CDC42BPB: variants seen among roughly 807,000 people sequenced by gnomAD.
The protein encoded by CDC42BPB is CDC42 binding protein kinase beta.
A neutral mutation model predicts 214.9 loss-of-function variants in CDC42BPB; 37 were observed. The ratio of observed to expected loss-of-function variants is 0.17; its 90% CI spans 0.13 to 0.23. The LOEUF (loss-of-function observed/expected upper bound fraction) is 0.23, where lower values mean the gene tolerates loss of function less well. Ranked by LOEUF, CDC42BPB falls within the 10% of genes least tolerant of loss-of-function variation. The pLI, the probability that CDC42BPB is intolerant of heterozygous loss-of-function variation, is 1.00. For synonymous variants in CDC42BPB, 931 were observed against 884.0 expected, an observed-to-expected ratio of 1.05 and a Z score of -0.94; for missense variants, 1,694 against 2,227.0, an observed-to-expected ratio of 0.76 and a Z score of 4.82.
intron 1 of CDC42BPB, among the ~76,000 whole-genome samples, chr14:103,030,639 T>A (rs1241195500): frequency 6.6e-6 from 1 of 152,148 alleles, no homozygotes; most frequent in Non-Finnish European, 1.5e-5. Flanking sequence ...GAGGTTGCAG[T>A]GAGCCCAGAT....
At chr14:103,041,304 T>C (rs1206540755) in intron 1 of CDC42BPB, among the ~76,000 whole-genome samples, 3 of 152,068 alleles carry the variant, frequency 2.0e-5, no homozygotes, top group Non-Finnish European at 4.4e-5. Flanking sequence ...TAAACGTAAA[T>C]GCTAAAACTA....
intron 20 of CDC42BPB, 128 bp from the exon 21 acceptor site, chr14:102,959,838 TAAAAAAAAAAAAA>T: frequency 1.5e-6 from 1 of 653,984 alleles, no homozygotes; most frequent in Admixed American, 1.0e-4. Flanking sequence ...TGATCACAAT[TAAAAAAAAAAAAA>T]AAAAAAAAAG....
intron 9 of CDC42BPB, 116 bp downstream of exon 9, chr14:102,978,010 G>A (rs1315271562): frequency 1.6e-5 from 12 of 732,960 alleles, no homozygotes; most frequent in Non-Finnish European, 7.2e-6. Flanking sequence ...CTTAAGTAAT[G>A]GCCTCCCAGC....
At chr14:102,956,579 C>T (rs1595464543) in intron 21 of CDC42BPB, 1 of 188,506 alleles carries the variant, frequency 5.3e-6, no homozygotes, top group East Asian at 1.9e-4. Flanking sequence ...CCTATAATCC[C>T]AGCACTTTGG....
At chr14:102,980,201 A>G (rs936298124) in intron 8 of CDC42BPB, among the ~76,000 whole-genome samples, 1 of 152,222 alleles carries the variant, frequency 6.6e-6, no homozygotes, top group Non-Finnish European at 1.5e-5. Flanking sequence ...CTGCTTTGAA[A>G]AGTATCAAGT....
intron 24 of CDC42BPB, 97 bp from the exon 25 acceptor site, chr14:102,950,699 G>A (rs1892448565): frequency 1.4e-6 from 2 of 1,388,906 alleles, no homozygotes; most frequent in African/African-American, 1.5e-5. Flanking sequence ...TAATCACCAG[G>A]TCTCGCCTGG....
chr14:102,981,083 C>T (rs188420398), intron 7 of CDC42BPB, 62 bp from the exon 8 acceptor site: 1 of 1,598,212 alleles, frequency 6.3e-7, no homozygotes, highest in East Asian at 2.2e-5. Context: ...TTAAGGTGTA[C>T]AGATATGATA....
rs1195896402 is a variant in CDC42BPB, at chr14:103,012,341, T to C, written c.176-153A>G. 6 of 966,780 alleles carry C rather than the reference T, an allele frequency of 6.2e-6. No individual in the cohort carries two copies. In the African/African-American group the frequency reaches 7.1e-5, roughly 11 times the overall value. 59.9% of individuals were successfully genotyped at this position (966,780 alleles called of 1,614,324 possible). A position where few individuals can be genotyped will look rare whatever the true frequency, so the allele number is the denominator to read the frequency against. On this transcript the variant is annotated intron_variant, in intron 1 of 36. Transcript: ENST00000361246. ...ACATGTTTTGGAAAGTGAGCACTTA[T>C]ACCAATGGACACAGATGTGGATCCT... is the stretch of plus-strand genomic sequence containing the variant.
chr14:102,944,237 G>A lies in CDC42BPB; in HGVS notation c.4062C>T (p.Cys1354=), dbSNP rs779419153. ...LFVAVKRLIL[C]YEIQRTKPFH... is the part of the protein sequence containing the mutation. ...ATGGCTTCGTTCTCTGGATCTCATA[G>A]CAAAGGATCAGCCGTTTCACGGCCA... The change falls in exon 30 of 37, where the codon TGC becomes TGT. Residue 1354 remains cysteine (C), a synonymous_variant. Coordinates refer to ENST00000361246, the MANE Select transcript of CDC42BPB (RefSeq NM_006035.4). This position sits in a 1 kb window ranked among gnomAD's most constrained non-coding sequence, Gnocchi z 6.6. 1 of 1,613,262 alleles carries A rather than the reference G, an allele frequency of 6.2e-7. No individual in the cohort carries two copies. The highest frequency in any genetic ancestry group is 1.1e-5 in the South Asian group (1 of 91,090).
chr14:103,045,960 A>G (rs1215300871), intron 1 of CDC42BPB, among the ~76,000 whole-genome samples: 1 of 152,182 alleles, frequency 6.6e-6, no homozygotes, highest in African/African-American at 2.4e-5. Context: ...AAATGTCAAC[A>G]CGATTTTGCA....
intron 26 of CDC42BPB, 83 bp from the exon 27 acceptor site, chr14:102,947,885 T>G: frequency 6.2e-7 from 1 of 1,600,502 alleles, no homozygotes. Context: ...TGCCCTGCCC[T>G]GCCATGTCCT....
intron 1 of CDC42BPB, among the ~76,000 whole-genome samples, chr14:103,022,280 G>C (rs1886815870): frequency 1.3e-5 from 2 of 152,172 alleles, no homozygotes; most frequent in Non-Finnish European, 2.9e-5. Flanking sequence ...GCAGTTTTGA[G>C]GGAGGCAGGG....
chr14:102,970,145 C>T lies in CDC42BPB; in HGVS notation c.1995+6G>A. The T allele has an allele frequency of 6.2e-7, 1 of 1,609,254 alleles. No individual in the cohort carries two copies. The highest frequency in any genetic ancestry group is 8.5e-7 in the Non-Finnish European group (1 of 1,177,102). ...GTTAAGGGCAGAGACCCCCGCCCAG[C>T]ACTACCTTGAGGGCCTCCAGCTCGC... On this transcript the variant is annotated splice_donor_region_variant and intron_variant, in intron 14 of 36. Coordinates refer to ENST00000361246, the MANE Select transcript of CDC42BPB (RefSeq NM_006035.4).
chr14:102,968,568 A>C lies in CDC42BPB; in HGVS notation c.2144T>G (p.Val715Gly). Residue 715 changes from valine (V) to glycine (G), a missense_variant, in exon 15 of 37, where the codon GTG becomes GGG. By Grantham distance (109) the Val-to-Gly change is moderately radical (BLOSUM62 -3). This residue lies in a region of CDC42BPB where 462 missense variants were observed against 513.5 expected (regional missense o/e 0.90). Transcript: ENST00000361246. Reference protein sequence around the residue: ...EASHVLEVKNVKKEVHDSESH... With the variant: ...EASHVLEVKNGKKEVHDSESH... ...TTCTGAATCATGCACCTCCTTCTTC[A>C]CATTTTTCACTTCTAGCACATGGGA... 6.2e-7 allele frequency: 1 copy of C among 1,614,102 alleles called. No homozygotes were observed. The highest frequency in any genetic ancestry group is 8.5e-7 in the Non-Finnish European group (1 of 1,180,020).
rs984824126 is a variant in CDC42BPB, at chr14:103,001,698, G to A, written c.448-1985C>T. 5.3e-5 allele frequency among the ~76,000 whole-genome samples: 8 copies of A among 152,316 alleles called. No individual in the cohort carries two copies. Among genetic ancestry groups the A allele is most frequent in the Non-Finnish European group, 1.0e-4 (7 of 68,020 alleles). On this transcript the variant is annotated intron_variant, in intron 4 of 36. Coordinates refer to ENST00000361246, the MANE Select transcript of CDC42BPB (RefSeq NM_006035.4). This position sits in a 1 kb window ranked among gnomAD's most constrained non-coding sequence, Gnocchi z 5.8. ...ACACTGCAGGCATTCCAGAGGGAGCGGCCCCGGCAGCTGACGGACACACAC... is the reference window on the plus strand; with the variant it reads ...ACACTGCAGGCATTCCAGAGGGAGCAGCCCCGGCAGCTGACGGACACACAC...
At position 102,975,991 on chromosome 14, in the gene CDC42BPB, C is replaced by T; in HGVS notation, c.1279G>A (p.Asp427Asn). Residue 427 changes from aspartate (D) to asparagine (N), a missense_variant, in exon 10 of 37, where the codon GAT (aspartate) becomes AAT (asparagine). Physicochemically the swap from Asp to Asn is conservative, Grantham distance 23. This residue lies in a region of CDC42BPB where 462 missense variants were observed against 513.5 expected (regional missense o/e 0.90). Coordinates refer to ENST00000361246, the MANE Select transcript of CDC42BPB (RefSeq NM_006035.4). Reference protein sequence around the residue: ...SIMQSNTLTKDEDVQRDLEHS... With the variant: ...SIMQSNTLTKNEDVQRDLEHS... ...TCCAGGTCCCGCTGCACATCCTCAT[C>T]TTTGGTTAATGTGTTGGACTGCATT... 6.2e-7 allele frequency: 1 copy of T among 1,614,236 alleles called. No homozygotes were observed. The highest frequency in any genetic ancestry group is 8.5e-7 in the Non-Finnish European group (1 of 1,180,034).
At chr14:102,972,284 C>A in intron 12 of CDC42BPB, 123 bp from the exon 13 acceptor site, 1 of 1,525,208 alleles carries the variant, frequency 6.6e-7, no homozygotes, top group East Asian at 2.3e-5. Flanking sequence ...CAGATTAGAG[C>A]CACAGATCTG....
At chr14:102,940,198 C>T (rs1260418860) in intron 31 of CDC42BPB, 29 bp downstream of exon 31, 4 of 1,611,420 alleles carry the variant, frequency 2.5e-6, no homozygotes, top group African/African-American at 1.3e-5. Flanking sequence ...GAAGCCCGCC[C>T]GCACAGGAGG....
chr14:102,952,119 G>A (rs1195665865), intron 24 of CDC42BPB, among the ~76,000 whole-genome samples: 12 of 148,540 alleles, frequency 8.1e-5, no homozygotes, highest in East Asian at 1.9e-4. Flanking sequence ...AGGCTAAGGC[G>A]GGAGATCACT....
Sources: gnomAD v4.1 joint callset for allele counts (sites outside exome capture counted in the v4.1 genomes callset) on GRCh38, gnomAD v4.1.1 for gene constraint, gnomAD v4.1.1 regional missense constraint, Gnocchi (gnomAD v3.1) non-coding constraint, MANE v1.5 for transcripts, NCBI Gene and HGNC (gene_info 2026-07-23, HGNC 2026-07-21) for gene names.